Variants in MS4A18 observed in about 807,000 individuals in gnomAD.
MS4A18 encodes membrane-spanning 4-domains subfamily A member 18.
MS4A18 carries 27 observed loss-of-function variants against 13.1 expected under a neutral mutation model. The observed-to-expected ratio is 2.06, with a 90% CI of 1.52 to 2.84. The LOEUF (loss-of-function observed/expected upper bound fraction) is 2.84, where lower values mean the gene tolerates loss of function less well. MS4A18 is among the 30% of genes most tolerant of loss of function. The pLI, the probability that MS4A18 is intolerant of heterozygous loss-of-function variation, is 0.00. For synonymous variants in MS4A18, 126 were observed against 76.5 expected (o/e 1.65, Z -3.38); for missense variants, 307 against 196.4 (o/e 1.56, Z -3.37).
intron 4 of MS4A18, among the ~76,000 whole-genome samples, chr11:60,739,752 A>AGG (rs907806887): frequency 3.3e-5 from 5 of 152,224 alleles, no homozygotes; most frequent in African/African-American, 1.2e-4. Context: ...GAAGCCCTCA[A>AGG]GTGAAGCCAT....
chr11:60,744,894 A>T (rs936973393), downstream of MS4A18, among the ~76,000 whole-genome samples: 17 of 152,238 alleles, frequency 1.1e-4, no homozygotes, highest in African/African-American at 1.7e-4. Context: ...TGTTGTTAGG[A>T]TGTAAATGGC....
At chr11:60,741,091 C>T in exon 5 of MS4A18, 1 of 703,048 alleles carries the variant, frequency 1.4e-6, no homozygotes, top group Non-Finnish European at 2.6e-6. Flanking sequence ...TTCATCCTCA[C>T]TTGTGTGGTC....
chr11:60,741,631 T>C (rs537431428), intron 5 of MS4A18, among the ~76,000 whole-genome samples: 1 of 152,218 alleles, frequency 6.6e-6, no homozygotes, highest in Admixed American at 6.5e-5. Flanking sequence ...ATTCTACGAG[T>C]GGAGCAACAG....
rs1188722349 is a variant in MS4A18 at position 60,737,003 on chromosome 11, T to C, written c.617T>C (p.Val206Ala). The C allele has an allele frequency of 5.7e-6, 4 of 702,210 alleles. No individual in the cohort carries two copies. The Admixed American group carries it at 6.0e-5, about 11-fold the overall frequency. 43.5% of individuals were successfully genotyped at this position (702,210 alleles called of 1,614,324 possible). A position where few individuals can be genotyped will look rare whatever the true frequency, so the allele number is the denominator to read the frequency against. ...TATATTGTATCTGGATCCCTCTCAGTATGGGCTGCAAAGGACCCCAGTCCT... is the reference window on the plus strand; with the variant it reads ...TATATTGTATCTGGATCCCTCTCAGCATGGGCTGCAAAGGACCCCAGTCCT... Residue 206 changes from valine (V) to alanine (A), a missense_variant, in exon 3 of 6, where the codon GTA becomes GCA. Coordinates refer to ENST00000529108, the Ensembl canonical transcript of MS4A18.
At chr11:60,741,628 G>T (rs1211448282) in intron 5 of MS4A18, among the ~76,000 whole-genome samples, 1 of 152,130 alleles carries the variant, frequency 6.6e-6, no homozygotes, top group African/African-American at 2.4e-5. Context: ...CAGATTCTAC[G>T]AGTGGAGCAA....
chr11:60,734,145 A>G (rs1465073014), intron 2 of MS4A18, among the ~76,000 whole-genome samples: 2 of 152,130 alleles, frequency 1.3e-5, no homozygotes, highest in African/African-American at 4.8e-5. Context: ...AGTCCCAGCT[A>G]CTTGGGATGC....
upstream of MS4A18, among the ~76,000 whole-genome samples, chr11:60,726,717 C>CTTATTTTATTTTA (rs1853166115): frequency 8.0e-6 from 1 of 124,952 alleles, no homozygotes; most frequent in East Asian, 2.3e-4. Flanking sequence ...TGGGGTAACA[C>CTTATTTTATTTTA]TTTTATTTTA....
chr11:60,732,291 G>A (rs1853265800), intron 1 of MS4A18, among the ~76,000 whole-genome samples: 2 of 152,044 alleles, frequency 1.3e-5, no homozygotes, highest in African/African-American at 4.8e-5. Flanking sequence ...AGGGAGTAAG[G>A]GGAAAAACAC....
upstream of MS4A18, among the ~76,000 whole-genome samples, chr11:60,724,810 A>C (rs2088404297): frequency 6.6e-6 from 1 of 152,182 alleles, no homozygotes; most frequent in Non-Finnish European, 1.5e-5. Context: ...ACTTCTGTGA[A>C]TTCTTCCGCA....
At chr11:60,740,912 C>T (rs1853404799) in intron 4 of MS4A18, 118 bp from the exon 6 acceptor site, 3 of 672,870 alleles carry the variant, frequency 4.5e-6, no homozygotes, top group Non-Finnish European at 8.1e-6. Context: ...CTCCAAAGGG[C>T]CACATGCAGA....
chr11:60,727,379 G>A (rs572167819), upstream of MS4A18, among the ~76,000 whole-genome samples: 342 of 152,296 alleles, frequency 2.2e-3, no homozygotes, highest in Non-Finnish European at 2.6e-3. Flanking sequence ...ACTTGCTCAA[G>A]GTCGTACAAC....
chr11:60,726,199 A>G (rs1260149144), upstream of MS4A18, among the ~76,000 whole-genome samples: 1 of 152,146 alleles, frequency 6.6e-6, no homozygotes, highest in Non-Finnish European at 1.5e-5. Flanking sequence ...CTTTGCAAAG[A>G]GGCGGGTCGG....
chr11:60,729,825 T>C (rs534230848), intron 1 of MS4A18, 39 bp downstream of exon 2: 1 of 663,686 alleles, frequency 1.5e-6, no homozygotes, highest in South Asian at 1.7e-5. Context: ...TTGGGTCACT[T>C]CATAAGCCCT....
intron 4 of MS4A18, among the ~76,000 whole-genome samples, chr11:60,740,602 G>T (rs1344067931): frequency 6.6e-6 from 1 of 152,190 alleles, no homozygotes; most frequent in African/African-American, 2.4e-5. Flanking sequence ...GTCTCAGTTT[G>T]GGTTCCTCCC....
chr11:60,742,805 C>G (rs559175665), intron 5 of MS4A18, among the ~76,000 whole-genome samples: 71 of 152,358 alleles, frequency 4.7e-4, no homozygotes, highest in African/African-American at 1.7e-3. Context: ...TTTATCCTCA[C>G]TTTCTCACAG....
At chr11:60,734,221 A>G (rs990504406) in intron 2 of MS4A18, among the ~76,000 whole-genome samples, 17 of 152,042 alleles carry the variant, frequency 1.1e-4, no homozygotes, top group Non-Finnish European at 2.2e-4. Context: ...ACACCACTGC[A>G]CTCCAGCCTG....
intron 1 of MS4A18, among the ~76,000 whole-genome samples, chr11:60,731,065 G>A (rs770719555): frequency 3.9e-5 from 6 of 152,024 alleles, no homozygotes; most frequent in Non-Finnish European, 7.4e-5. Flanking sequence ...CTGCACTCCA[G>A]CCTGGGCTAC....
intron 3 of MS4A18, among the ~76,000 whole-genome samples, chr11:60,738,151 G>A (rs938563339): frequency 2.6e-5 from 4 of 152,154 alleles, no homozygotes; most frequent in African/African-American, 7.2e-5. Context: ...GTAGAACACG[G>A]TCCCTTTCTC....
In MS4A18 at chr11:60,743,431, T is replaced by A. The variant is rs987913060; in HGVS notation, c.859-219T>A. 4.2e-4 allele frequency among the ~76,000 whole-genome samples: 64 copies of A among 152,138 alleles called. 1 individual carries two copies. Among genetic ancestry groups the A allele is most frequent in the African/African-American group, 1.5e-3 (63 of 41,422 alleles). On this transcript the variant is annotated intron_variant, in intron 5 of 5. Coordinates refer to ENST00000529108, the Ensembl canonical transcript of MS4A18. ...GCAGGCCAGTCTTTATGTTCAGTGT[T>A]CCAAAGAGCAATAAGAGAAAGCAAG...
Sources: gnomAD v4.1 joint callset for allele counts (sites outside exome capture counted in the v4.1 genomes callset) on GRCh38, gnomAD v4.1.1 for gene constraint, MANE v1.5 for transcripts, NCBI Gene and HGNC (gene_info 2026-07-23, HGNC 2026-07-21) for gene names.